FTCD: variants seen among roughly 807,000 people sequenced by gnomAD.
The protein encoded by FTCD is formimidoyltransferase-cyclodeaminase.
Under a neutral mutation model 62.9 loss-of-function variants are expected in FTCD, and 76 were observed. The ratio of observed to expected loss-of-function variants is 1.21; its 90% CI spans 1.00 to 1.46. FTCD has a LOEUF of 1.46. Among genes scored for constraint, FTCD ranks in the 40% most tolerant of loss-of-function variants. The pLI is 0.00. For synonymous variants in FTCD, 397 were observed against 336.9 expected, an observed-to-expected ratio of 1.18 and a Z score of -1.95; for missense variants, 845 against 751.3, an observed-to-expected ratio of 1.12 and a Z score of -1.46.
intron 6 of FTCD, 54 bp downstream of exon 6, chr21:46,150,334 C>T (rs1475319584): frequency 1.2e-6 from 2 of 1,610,946 alleles, no homozygotes; most frequent in Non-Finnish European, 1.7e-6. Context: ...CCGCCCTGCC[C>T]ACGGGACAGA....
intron 10 of FTCD, among the ~76,000 whole-genome samples, chr21:46,141,104 A>C (rs140073175): frequency 8.6e-5 from 13 of 151,910 alleles, no homozygotes; most frequent in Middle Eastern, 3.4e-3. Flanking sequence ...CCTTATTTTA[A>C]ATTTCTAAAC....
Position 46,136,923 on chromosome 21 carries a change from C to CA in FTCD, c.*63dup, listed in dbSNP as rs1230495667. On this transcript the variant is annotated 3_prime_UTR_variant, in exon 14 of 14. Coordinates refer to ENST00000397746, the MANE Select transcript of FTCD (RefSeq NM_206965.2). The stretch of plus-strand genomic sequence containing the variant: ...ACAAGCTGTGTCCCCACCGAGGTCA[C>CA]AGCTCTGCCCTCTGGGGATGGGCGA... 6.2e-7 allele frequency: 1 copy of CA among 1,610,210 alleles called. No homozygotes were observed. The highest frequency in any genetic ancestry group is 1.7e-5 in the Admixed American group (1 of 59,676).
chr21:46,139,087 G>C lies in FTCD; in HGVS notation c.1261-164C>G, dbSNP rs561520424. 9 of 670,728 alleles carry C rather than the reference G, an allele frequency of 1.3e-5. No homozygotes were observed. The East Asian group carries it at 2.4e-4, about 18-fold the overall frequency. The allele number at this position is 670,728 out of a possible 1,614,324, so 41.5% of individuals were successfully genotyped here. Reference sequence around the variant, plus strand: ...CAGTGGTTTATAGCCCTTAGCATCAGGCTTGGTGGAGGAGCAGGGTAGGGG... The same window carrying C: ...CAGTGGTTTATAGCCCTTAGCATCACGCTTGGTGGAGGAGCAGGGTAGGGG... On this transcript the variant is annotated intron_variant, in intron 10 of 13. Coordinates refer to ENST00000397746, the MANE Select transcript of FTCD (RefSeq NM_206965.2).
At chr21:46,142,081 T>A (rs1046571167) in intron 10 of FTCD, 1 of 152,250 alleles carries the variant, frequency 6.6e-6, no homozygotes, top group Non-Finnish European at 1.5e-5. Context: ...GAAGGGCCTA[T>A]CTACTGTAAA....
chr21:46,152,686 G>C, intron 3 of FTCD: 1 of 493,034 alleles, frequency 2.0e-6, no homozygotes. Context: ...CTGTGCAGCT[G>C]CTCTGCGGTG....
At chr21:46,148,434 G>A (rs1251943591) in intron 7 of FTCD, among the ~76,000 whole-genome samples, 4 of 152,254 alleles carry the variant, frequency 2.6e-5, no homozygotes, top group African/African-American at 9.6e-5. Flanking sequence ...AGACCAGCCT[G>A]GGCAATAGAG....
chr21:46,138,356 T>C (rs781780993), intron 12 of FTCD, 152 bp downstream of exon 12: 19 of 702,948 alleles, frequency 2.7e-5, no homozygotes, highest in Non-Finnish European at 3.8e-5. Context: ...CCCGGCCCTG[T>C]TGGAGGAGGC....
chr21:46,148,737 G>T (rs530705076), intron 7 of FTCD, among the ~76,000 whole-genome samples: 2 of 152,196 alleles, frequency 1.3e-5, no homozygotes, highest in Non-Finnish European at 2.9e-5. Context: ...CTATGTCAAG[G>T]TCAATGAAGG....
At position 46,138,570 on chromosome 21, in the gene FTCD, G is replaced by A. The variant is rs1331535463; in HGVS notation, c.1381C>T (p.Leu461=). The A allele has an allele frequency of 1.9e-6, 3 of 1,587,670 alleles. No individual in the cohort carries two copies. The highest frequency in any genetic ancestry group is 1.1e-5 in the South Asian group (1 of 88,956). ...PLTLAETVAS[L]WPALQELARC... ...GCCAGTTCCTGCAGGGCCGGCCACA[G>A]CGAGGCCACCGTCTCCGCCAGCGTC... is the stretch of plus-strand genomic sequence containing the variant. Residue 461 remains leucine, a synonymous_variant, in exon 12 of 14, where the codon CTG becomes TTG. Coordinates refer to ENST00000397746, the MANE Select transcript of FTCD (RefSeq NM_206965.2).
rs1440388522 is a variant in FTCD, at chr21:46,150,157, TCTC to T, written c.865_867del (p.Glu289del). 1 of 1,610,828 alleles carries T rather than the reference TCTC, an allele frequency of 6.2e-7. No individual in the cohort carries two copies. The highest frequency in any genetic ancestry group is 1.7e-5 in the Admixed American group (1 of 59,864). ...TGCTCCTCCTCCAGGATGAAGAGGT[TCTC>T]CTTCTCGCAGTAGAAGGCGGCCGCA... is the stretch of plus-strand genomic sequence containing the variant. On this transcript the variant is annotated inframe_deletion, in exon 7 of 14. Transcript: ENST00000397746.
chr21:46,145,539 C>G lies in FTCD; in HGVS notation c.1138G>C (p.Gly380Arg). The G allele has an allele frequency of 6.5e-7, 1 of 1,546,446 alleles. No homozygotes were observed. Among genetic ancestry groups the G allele is most frequent in the African/African-American group, 1.4e-5 (1 of 73,048 alleles). The change falls in exon 10 of 14, where the codon GGG becomes CGG. Residue 380 changes from glycine (G) to arginine (R), a missense_variant. Gly to Arg is a moderately radical substitution (Grantham distance 125). Transcript: ENST00000397746. ...LGSMVGLMTY[G>R]RRQFQSLDTT... ...TCCAGGGACTGGAATTGGCGCCGCC[C>G]GTAGGTCATGAGGCCCACCATGGAG... is the stretch of plus-strand genomic sequence containing the variant.
At chr21:46,149,805 C>T (rs1471056094) in intron 7 of FTCD, among the ~76,000 whole-genome samples, 1 of 152,184 alleles carries the variant, frequency 6.6e-6, no homozygotes, top group South Asian at 2.1e-4. Context: ...GGGTGCAGGA[C>T]GCCCCGATGG....
chr21:46,140,007 G>A (rs140502357), intron 10 of FTCD, among the ~76,000 whole-genome samples: 33 of 152,338 alleles, frequency 2.2e-4, no homozygotes, highest in African/African-American at 7.9e-4. Flanking sequence ...GTGATTTATC[G>A]TGAGGCTTGG....
At chr21:46,139,725 C>T (rs573581587) in intron 10 of FTCD, among the ~76,000 whole-genome samples, 1 of 152,330 alleles carries the variant, frequency 6.6e-6, no homozygotes, top group South Asian at 2.1e-4. Flanking sequence ...CAGAAATGCC[C>T]AGTGTCTCCC....
intron 2 of FTCD, 78 bp from the exon 3 acceptor site, chr21:46,153,113 T>G: frequency 6.9e-7 from 1 of 1,439,116 alleles, no homozygotes; most frequent in Admixed American, 2.1e-5. Context: ...TCGGACCCTC[T>G]GTCCTCTCCG....
In FTCD at chr21:46,138,546, C is replaced by A. The variant is rs374170977; in HGVS notation, c.1405G>T (p.Ala469Ser). The A allele has an allele frequency of 6.3e-7, 1 of 1,587,126 alleles. No homozygotes were observed. Among genetic ancestry groups the A allele is most frequent in the Non-Finnish European group, 8.5e-7 (1 of 1,173,676 alleles). The change falls in exon 12 of 14, where the codon GCC (alanine) becomes TCC (serine). Residue 469 changes from alanine (A) to serine (S), a missense_variant. Physicochemically the swap from Ala to Ser is moderately conservative, Grantham distance 99. Coordinates refer to ENST00000397746, the MANE Select transcript of FTCD (RefSeq NM_206965.2). ...ASLWPALQELARCGNLACRSD... is the reference protein window; with the variant it reads ...ASLWPALQELSRCGNLACRSD... ...CGGCAGGCCAGGTTCCCACACCGGG[C>A]CAGTTCCTGCAGGGCCGGCCACAGC... is the stretch of plus-strand genomic sequence containing the variant.
At chr21:46,153,744 C>T (rs1407732706) in intron 2 of FTCD, among the ~76,000 whole-genome samples, 3 of 152,370 alleles carry the variant, frequency 2.0e-5, no homozygotes, top group East Asian at 1.9e-4. Flanking sequence ...GCCTGCCCAC[C>T]GAGGTGTTTG....
At chr21:46,136,365 TGAA>T, downstream of FTCD, 2 of 1,444,208 alleles carry the variant, frequency 1.4e-6, no homozygotes, top group Non-Finnish European at 1.9e-6. Context: ...AGCCACTGGT[TGAA>T]GGGTGGACGG....
intron 5 of FTCD, among the ~76,000 whole-genome samples, chr21:46,150,991 T>C (rs1350578557): frequency 6.6e-6 from 1 of 152,234 alleles, no homozygotes; most frequent in East Asian, 1.9e-4. Flanking sequence ...CCTGTGCTTT[T>C]GTGCTGAGTC....
Sources: allele counts gnomAD v4.1 joint callset (sites outside exome capture counted in the v4.1 genomes callset), GRCh38; gene constraint gnomAD v4.1.1; transcripts MANE v1.5; gene names NCBI Gene and HGNC (gene_info 2026-07-23, HGNC 2026-07-21).